The following STIM2 variants were observed in gnomAD, a reference collection of about 807,000 sequenced individuals.
The protein encoded by STIM2 is stromal interaction molecule 2.
In STIM2, 31 loss-of-function variants were observed where a neutral mutation model predicts 85.8. The ratio of observed to expected loss-of-function variants is 0.36; its 90% CI spans 0.27 to 0.49. STIM2 has a LOEUF of 0.49. Ranked by LOEUF, STIM2 falls within the 20% of genes least tolerant of loss-of-function variation. The probability of loss-of-function intolerance (pLI) is 0.98; values close to 1 mark genes in which losing one functional copy is unlikely to be tolerated. For synonymous variants in STIM2, 356 were observed against 331.1 expected, an observed-to-expected ratio of 1.08 and a Z score of -0.82; for missense variants, 841 against 927.6, an observed-to-expected ratio of 0.91 and a Z score of 1.21.
intron 1 of STIM2, among the ~76,000 whole-genome samples, chr4:26,917,876 T>C (rs1028547345): frequency 6.6e-6 from 1 of 152,180 alleles, no homozygotes; most frequent in Non-Finnish European, 1.5e-5. Context: ...TGAGCTCTTA[T>C]CTTCTATTTT....
At chr4:26,898,544 T>C (rs1723792847) in intron 1 of STIM2, among the ~76,000 whole-genome samples, 1 of 152,208 alleles carries the variant, frequency 6.6e-6, no homozygotes, top group Non-Finnish European at 1.5e-5. Context: ...TCCAATATAT[T>C]GGTGTTGCAA....
intron 3 of STIM2, among the ~76,000 whole-genome samples, chr4:26,978,672 G>A (rs1727282875): frequency 1.3e-5 from 2 of 152,142 alleles, no homozygotes; most frequent in South Asian, 4.1e-4. Context: ...ATCTGCTGCT[G>A]TGACCTCCAG....
intron 2 of STIM2, among the ~76,000 whole-genome samples, chr4:26,949,594 A>C (rs1260814844): frequency 1.3e-5 from 2 of 152,228 alleles, no homozygotes; most frequent in Non-Finnish European, 2.9e-5. Flanking sequence ...AATAACCTCT[A>C]ATCAGTGTGC....
At chr4:26,862,884 G>T (rs1171781085) in intron 1 of STIM2, among the ~76,000 whole-genome samples, 1 of 152,154 alleles carries the variant, frequency 6.6e-6, no homozygotes, top group Non-Finnish European at 1.5e-5. Context: ...ATAATTTGAA[G>T]ATTTAATGCC....
At chr4:26,879,622 G>A (rs1054540436) in intron 1 of STIM2, among the ~76,000 whole-genome samples, 3 of 152,154 alleles carry the variant, frequency 2.0e-5, no homozygotes, top group Non-Finnish European at 4.4e-5. Flanking sequence ...TGAGGAAACC[G>A]AAGGACTATG....
intron 1 of STIM2, among the ~76,000 whole-genome samples, chr4:26,911,134 G>C (rs924907772): frequency 1.3e-5 from 2 of 152,076 alleles, no homozygotes; most frequent in Non-Finnish European, 2.9e-5. Flanking sequence ...CTACTCAGGA[G>C]GCTGAGGCAG....
intron 5 of STIM2, among the ~76,000 whole-genome samples, chr4:27,001,958 C>T (rs987991552): frequency 1.3e-5 from 2 of 152,106 alleles, no homozygotes; most frequent in South Asian, 4.1e-4. Flanking sequence ...ATGACTTTGA[C>T]CACTCCTTCT....
intron 1 of STIM2, among the ~76,000 whole-genome samples, chr4:26,905,212 G>T (rs1724080456): frequency 6.6e-6 from 1 of 152,170 alleles, no homozygotes; most frequent in Non-Finnish European, 1.5e-5. Flanking sequence ...GTTGCAGTCT[G>T]TGGTTATTAA....
chr4:26,995,177 TG>T (rs1253776926), intron 3 of STIM2, among the ~76,000 whole-genome samples: 2 of 152,160 alleles, frequency 1.3e-5, no homozygotes, highest in Admixed American at 1.3e-4. Context: ...TGCTAATCTT[TG>T]TCCTAATTGC....
At chr4:27,020,376 A>G (rs913707422) in intron 11 of STIM2, among the ~76,000 whole-genome samples, 2 of 152,222 alleles carry the variant, frequency 1.3e-5, no homozygotes, top group African/African-American at 4.8e-5. Context: ...GCCTCTATCA[A>G]TGATTGATTT....
chr4:26,873,131 G>A (rs1722688081), intron 1 of STIM2, among the ~76,000 whole-genome samples: 1 of 152,172 alleles, frequency 6.6e-6, no homozygotes, highest in African/African-American at 2.4e-5. Flanking sequence ...CGGGTGTGGT[G>A]GCTCACACCT....
chr4:26,951,305 C>T (rs762862932), intron 2 of STIM2, among the ~76,000 whole-genome samples: 5 of 152,134 alleles, frequency 3.3e-5, no homozygotes, highest in Non-Finnish European at 5.9e-5. Context: ...AAAGGTTACA[C>T]TAGTTTGTAC....
At chr4:26,934,616 T>C (rs1725326912) in intron 2 of STIM2, among the ~76,000 whole-genome samples, 1 of 152,150 alleles carries the variant, frequency 6.6e-6, no homozygotes, top group Non-Finnish European at 1.5e-5. Context: ...GAAGTGGTAA[T>C]ATAAGAATAG....
At chr4:26,914,128 C>T (rs1724445099) in intron 1 of STIM2, among the ~76,000 whole-genome samples, 2 of 152,156 alleles carry the variant, frequency 1.3e-5, no homozygotes, top group South Asian at 4.1e-4. Context: ...ATGTTTTTTT[C>T]TCCTTGATTG....
intron 1 of STIM2, among the ~76,000 whole-genome samples, chr4:26,885,859 A>ATATATATATGTATATATATATATATATG (rs1553845029): frequency 1.8e-4 from 16 of 89,422 alleles, no homozygotes; most frequent in East Asian, 1.3e-3. Context: ...ATATATATAT[A>ATATATATATGTATATATATATATATATG]TATATATATA....
chr4:26,884,678 G>A (rs1723145880), intron 1 of STIM2, among the ~76,000 whole-genome samples: 1 of 152,180 alleles, frequency 6.6e-6, no homozygotes, highest in African/African-American at 2.4e-5. Flanking sequence ...GAAACACCCT[G>A]TTTATTTAGC....
chr4:26,879,491 G>A (rs1287220142), intron 1 of STIM2, among the ~76,000 whole-genome samples: 2 of 151,954 alleles, frequency 1.3e-5, no homozygotes, highest in Non-Finnish European at 2.9e-5. Context: ...TGGGTGGTGA[G>A]ATATTATTAC....
At chr4:26,971,960 C>T (rs1001094089) in intron 3 of STIM2, among the ~76,000 whole-genome samples, 4 of 152,074 alleles carry the variant, frequency 2.6e-5, no homozygotes, top group Non-Finnish European at 4.4e-5. Context: ...CTTCCCATCC[C>T]TTGTAAATTG....
intron 3 of STIM2, among the ~76,000 whole-genome samples, chr4:26,994,510 T>G (rs1727886061): frequency 6.6e-6 from 1 of 152,156 alleles, no homozygotes; most frequent in Non-Finnish European, 1.5e-5. Flanking sequence ...AGGAATGGTC[T>G]TCTTATTTCT....
Sources: allele counts gnomAD v4.1 joint callset (sites outside exome capture counted in the v4.1 genomes callset), GRCh38; gene constraint gnomAD v4.1.1; transcripts MANE v1.5; gene names NCBI Gene and HGNC (gene_info 2026-07-23, HGNC 2026-07-21).